Variants in LOC400499 observed in about 807,000 individuals in gnomAD.
the LOC400499 span, among the ~76,000 whole-genome samples, chr16:11,490,121 C>A: frequency 1.3e-5 from 2 of 152,122 alleles, no homozygotes; most frequent in African/African-American, 4.8e-5. Context: ...CAGGCTGGAC[C>A]CAGTGGCTCA....
chr16:11,459,242 G>C, the LOC400499 span, among the ~76,000 whole-genome samples: 4 of 140,670 alleles, frequency 2.8e-5, no homozygotes, highest in Non-Finnish European at 4.5e-5. Flanking sequence ...TTTCGCCCAG[G>C]CCAGACTGCA....
chr16:11,430,385 G>A, the LOC400499 span, among the ~76,000 whole-genome samples: 2,167 of 152,236 alleles, frequency 0.014, 55 homozygotes, highest in African/African-American at 0.05. Context: ...AGCTACTCGG[G>A]AGGCTGAGGC....
the LOC400499 span, among the ~76,000 whole-genome samples, chr16:11,398,118 C>T: frequency 6.6e-6 from 1 of 152,184 alleles, no homozygotes; most frequent in Non-Finnish European, 1.5e-5. Flanking sequence ...TTAAGTCTCA[C>T]CATCACTCTA....
chr16:11,520,421 C>G, the LOC400499 span, among the ~76,000 whole-genome samples: 4 of 152,058 alleles, frequency 2.6e-5, no homozygotes, highest in African/African-American at 9.7e-5. Context: ...CTTTGGGAGG[C>G]CGAGGTGGGC....
chr16:11,465,506 G>A, the LOC400499 span: 1 of 152,048 alleles, frequency 6.6e-6, no homozygotes, highest in Non-Finnish European at 1.5e-5. Flanking sequence ...GGCTTCAAAC[G>A]ACTAAGTTCC....
the LOC400499 span, chr16:11,391,962 G>A: frequency 1.9e-5 from 10 of 530,974 alleles, no homozygotes; most frequent in Non-Finnish European, 2.9e-5. Flanking sequence ...AGGTCAGAGG[G>A]GGACCTCTCC....
At chr16:11,419,514 G>C in the LOC400499 span, among the ~76,000 whole-genome samples, 5 of 152,064 alleles carry the variant, frequency 3.3e-5, 1 homozygote, top group East Asian at 9.6e-4. Flanking sequence ...GAAAACCTAG[G>C]CATTACCATT....
At chr16:11,420,945 C>T in the LOC400499 span, among the ~76,000 whole-genome samples, 1 of 152,198 alleles carries the variant, frequency 6.6e-6, no homozygotes, top group Non-Finnish European at 1.5e-5. Flanking sequence ...GCCACCCACC[C>T]TCTGGGATGA....
chr16:11,488,946 C>G, the LOC400499 span: 1 of 397,656 alleles, frequency 2.5e-6, no homozygotes, highest in Admixed American at 4.4e-5. Flanking sequence ...AAAAGACCCT[C>G]CCGACCCCCA....
At chr16:11,407,635 G>A in the LOC400499 span, among the ~76,000 whole-genome samples, 1 of 152,318 alleles carries the variant, frequency 6.6e-6, no homozygotes, top group East Asian at 1.9e-4. Flanking sequence ...TCTAGTTGTA[G>A]TACTGTTGCA....
At chr16:11,468,464 C>A in the LOC400499 span, among the ~76,000 whole-genome samples, 2 of 152,156 alleles carry the variant, frequency 1.3e-5, no homozygotes. Context: ...GCTGAGACTA[C>A]AGGCACACAA....
the LOC400499 span, chr16:11,447,913 G>A: frequency 4.6e-6 from 7 of 1,529,958 alleles, no homozygotes; most frequent in South Asian, 1.2e-5. Flanking sequence ...GGTGTCAGCT[G>A]AGCAGAAGGG....
the LOC400499 span, chr16:11,392,804 G>C: frequency 1.0e-6 from 1 of 983,742 alleles, no homozygotes; most frequent in Non-Finnish European, 1.2e-6. Context: ...CCCAGCAGCT[G>C]AGACCACAGG....
the LOC400499 span, chr16:11,414,354 G>A: frequency 2.5e-6 from 1 of 399,300 alleles, no homozygotes; most frequent in South Asian, 1.3e-4. Context: ...GGTTGGTGAA[G>A]GGCAGGCCCA....
At chr16:11,412,104 A>G in the LOC400499 span, among the ~76,000 whole-genome samples, 2 of 151,878 alleles carry the variant, frequency 1.3e-5, no homozygotes, top group African/African-American at 4.8e-5. Flanking sequence ...GGCTTAAGCA[A>G]TCCTCCCACC....
chr16:11,509,128 T>TC, the LOC400499 span, among the ~76,000 whole-genome samples: 47 of 149,682 alleles, frequency 3.1e-4, no homozygotes, highest in Non-Finnish European at 5.8e-4. Flanking sequence ...TTCTTTTTTT[T>TC]TTTTTTTTGA....
the LOC400499 span, chr16:11,460,043 C>T: frequency 6.9e-7 from 1 of 1,445,216 alleles, no homozygotes; most frequent in Non-Finnish European, 9.1e-7. Context: ...CCTCCTCATG[C>T]CAGAGCTGGA....
At chr16:11,422,780 G>A in the LOC400499 span, among the ~76,000 whole-genome samples, 2 of 152,190 alleles carry the variant, frequency 1.3e-5, no homozygotes, top group Admixed American at 1.3e-4. Context: ...ACCCTCGGCA[G>A]AGACAGCTTG....
At chr16:11,496,627 T>G in the LOC400499 span, among the ~76,000 whole-genome samples, 1 of 152,076 alleles carries the variant, frequency 6.6e-6, no homozygotes, top group Non-Finnish European at 1.5e-5. Context: ...GGGCATCTCG[T>G]GTGTCCCATT....
Sources: allele counts gnomAD v4.1 joint callset (sites outside exome capture counted in the v4.1 genomes callset), GRCh38; gene constraint gnomAD v4.1.1; transcripts MANE v1.5.